The following PDS5A variants were observed in gnomAD, a reference collection of about 807,000 sequenced individuals.
PDS5A encodes the protein PDS5 cohesin associated factor A.
PDS5A carries 42 observed loss-of-function variants against 167.1 expected under a neutral mutation model. The ratio of observed to expected loss-of-function variants is 0.25; its 90% confidence interval spans 0.20 to 0.33. PDS5A has a LOEUF of 0.33. PDS5A is among the 10% of genes least tolerant of loss of function. The pLI is 1.00. For synonymous variants in PDS5A, 553 were observed against 554.6 expected (o/e 1.00, Z 0.04); for missense variants, 1,033 against 1,605.9 (o/e 0.64, Z 6.10).
intron 8 of PDS5A, among the ~76,000 whole-genome samples, chr4:39,915,343 ATTTTTTTTTTTTT>A (rs3070904): frequency 2.3e-5 from 2 of 88,728 alleles, no homozygotes; most frequent in Admixed American, 2.7e-4. Flanking sequence ...AACCGGCCTG[ATTTTTTTTTTTTT>A]TTTTTTTTTT....
intron 23 of PDS5A, among the ~76,000 whole-genome samples, chr4:39,866,231 C>A (rs1382495132): frequency 3.3e-5 from 5 of 152,188 alleles, no homozygotes; most frequent in African/African-American, 9.6e-5. Flanking sequence ...TCTCCTGCCT[C>A]AGCCTCCTGA....
chr4:39,862,249 T>C lies in PDS5A; in HGVS notation c.3056A>G (p.Gln1019Arg). Residue 1019 changes from glutamine to arginine, a missense_variant, in exon 26 of 33, where the codon CAA (glutamine) becomes CGA (arginine). This residue lies in a region of PDS5A where 367 missense variants were observed against 686.7 expected (regional missense o/e 0.53). Transcript: ENST00000303538. Reference protein sequence around the residue: ...LAHDPDFTRSQDVDQLRDIKE... With the variant: ...LAHDPDFTRSRDVDQLRDIKE... ...GATATCACGAAGCTGATCAACATCTTGTGATCTTGTAAAATCTGGATCATG... is the reference window on the plus strand; with the variant it reads ...GATATCACGAAGCTGATCAACATCTCGTGATCTTGTAAAATCTGGATCATG... 6.6e-7 allele frequency: 1 copy of C among 1,521,628 alleles called. No homozygotes were observed. The highest frequency in any genetic ancestry group is 8.9e-7 in the Non-Finnish European group (1 of 1,120,356). The allele number at this position is 1,521,628 out of a possible 1,614,324, so 94.3% of individuals were successfully genotyped here. A position where few individuals can be genotyped will look rare whatever the true frequency, so the allele number is the denominator to read the frequency against.
chr4:39,961,307 TA>T (rs753969763), intron 2 of PDS5A, among the ~76,000 whole-genome samples: 2 of 152,194 alleles, frequency 1.3e-5, no homozygotes, highest in South Asian at 2.1e-4. Flanking sequence ...TTTATTTATT[TA>T]TTTTTTTTGA....
intron 15 of PDS5A, 28 bp downstream of exon 15, chr4:39,898,747 CAT>C (rs1722631517): frequency 2.1e-6 from 3 of 1,402,840 alleles, no homozygotes; most frequent in Non-Finnish European, 3.0e-6. Context: ...ACGTTTACTA[CAT>C]GTTTAGTGAG....
chr4:39,824,503 C>A lies in PDS5A; in HGVS notation c.*982G>T. The A allele has an allele frequency of 6.6e-6, 1 of 152,526 alleles. No homozygotes were observed. Among genetic ancestry groups the A allele is most frequent in the East Asian group, 1.9e-4 (1 of 5,204 alleles). 9.4% of individuals were successfully genotyped at this position (152,526 alleles called of 1,614,324 possible). ...AAGCAAAACACTTATTTCCAAATAGCACAATGCTGAAAATTGATAGCAATC... is the reference window on the plus strand; with the variant it reads ...AAGCAAAACACTTATTTCCAAATAGAACAATGCTGAAAATTGATAGCAATC... On this transcript the variant is annotated 3_prime_UTR_variant, in exon 33 of 33. Coordinates refer to ENST00000303538, the MANE Select transcript of PDS5A (RefSeq NM_001100399.2).
intron 3 of PDS5A, 103 bp downstream of exon 3, chr4:39,927,858 A>C: frequency 2.6e-6 from 2 of 758,640 alleles, no homozygotes; most frequent in Non-Finnish European, 4.2e-6. Flanking sequence ...TGAAGAGACT[A>C]ATATGAAACC....
At chr4:39,973,836 T>C (rs1730804974) in intron 2 of PDS5A, 2 of 1,064,790 alleles carry the variant, frequency 1.9e-6, no homozygotes, top group South Asian at 1.3e-5. Context: ...CTCAGAACCG[T>C]GCTGCAAGAC....
At chr4:39,931,891 CTT>C (rs372230505) in intron 2 of PDS5A, among the ~76,000 whole-genome samples, 38 of 136,010 alleles carry the variant, frequency 2.8e-4, no homozygotes, top group Admixed American at 3.7e-4. Context: ...GGTCAGGTGA[CTT>C]TTTTTTTTTT....
rs1394898273 is a variant in PDS5A, at chr4:39,845,895, AAAG to A, written c.3340-18_3340-16del. 70 of 1,334,836 alleles carry A rather than the reference AAAG, an allele frequency of 5.2e-5. No homozygotes were observed. The highest frequency in any genetic ancestry group is 6.3e-5 in the Non-Finnish European group (65 of 1,026,542). The allele number at this position is 1,334,836 out of a possible 1,614,324, so 82.7% of individuals were successfully genotyped here. ...TTACAGAAGTCCTATTAAAAAAAAA[AAAG>A]AAAAAGAAAAAAGAAACACCAATCA... On this transcript the variant is annotated splice_polypyrimidine_tract_variant and intron_variant, in intron 28 of 32. Coordinates refer to ENST00000303538, the MANE Select transcript of PDS5A (RefSeq NM_001100399.2).
chr4:39,954,627 ACATTGTCAAGACATAAATAAGTACC>A (rs1314967271), intron 2 of PDS5A, among the ~76,000 whole-genome samples: 1 of 149,350 alleles, frequency 6.7e-6, no homozygotes, highest in African/African-American at 2.5e-5. Context: ...AGCCTGAAAT[ACATTGTCAAGACATAAATAAGTACC>A]CATTGTCAAG....
intron 26 of PDS5A, among the ~76,000 whole-genome samples, chr4:39,852,450 T>C (rs770190290): frequency 7.2e-5 from 11 of 152,078 alleles, no homozygotes; most frequent in Non-Finnish European, 1.3e-4. Flanking sequence ...TTCCTCTCCA[T>C]CTCGTATCTT....
rs370071958 is a variant in PDS5A, at chr4:39,959,961, A to G, written c.138+16479T>C. Among the ~76,000 whole-genome samples the G allele has an allele frequency of 4.6e-5, 7 of 152,186 alleles. No homozygotes were observed. In the East Asian group the frequency reaches 9.7e-4, roughly 21 times the overall value. ...ACAAAAATTAGGTGGGCATGGTGGT[A>G]CGTAACCAGCAGTCCCACCAACTTG... On this transcript the variant is annotated intron_variant, in intron 2 of 32. Coordinates refer to ENST00000303538, the MANE Select transcript of PDS5A (RefSeq NM_001100399.2).
chr4:39,944,911 C>G (rs1027657565), intron 2 of PDS5A, among the ~76,000 whole-genome samples: 2 of 151,974 alleles, frequency 1.3e-5, no homozygotes, highest in African/African-American at 2.4e-5. Flanking sequence ...TTCTTTACAG[C>G]TCAAACTGTT....
rs1182217890 is a variant in PDS5A, at chr4:39,976,500, A to G, written c.78T>C (p.Pro26=). The G allele has an allele frequency of 1.9e-6, 3 of 1,613,154 alleles. No homozygotes were observed. Among genetic ancestry groups the G allele is most frequent in the Non-Finnish European group, 2.5e-6 (3 of 1,179,268 alleles). ...VVSADGKIAY[P]PGVKEITDKI... is the part of the protein sequence containing the mutation. ...TGTCGGTGATCTCTTTTACCCCCGG[A>G]GGGTAAGCGATCTTCCCGTCGGCAC... The change falls in exon 2 of 33, where the codon CCT becomes CCC. Residue 26 remains proline (P), a synonymous_variant. Coordinates refer to ENST00000303538, the MANE Select transcript of PDS5A (RefSeq NM_001100399.2).
At chr4:39,954,670 TAAAAAAAAA>T (rs777287409) in intron 2 of PDS5A, among the ~76,000 whole-genome samples, 5 of 48,280 alleles carry the variant, frequency 1.0e-4, no homozygotes, top group Non-Finnish European at 1.6e-4. Flanking sequence ...AAGAGATAAG[TAAAAAAAAA>T]AAAAAAAAAA....
At chr4:39,950,294 G>A (rs1347502483) in intron 2 of PDS5A, among the ~76,000 whole-genome samples, 1 of 151,998 alleles carries the variant, frequency 6.6e-6, no homozygotes, top group Non-Finnish European at 1.5e-5. Flanking sequence ...GGGCACGGTG[G>A]GTCTCACCTA....
intron 2 of PDS5A, among the ~76,000 whole-genome samples, chr4:39,961,324 A>G (rs1162419341): frequency 6.6e-6 from 1 of 151,640 alleles, no homozygotes; most frequent in Non-Finnish European, 1.5e-5. Flanking sequence ...TTTGAGATGG[A>G]GTCTTGCTAT....
At chr4:39,896,375 CTT>C (rs1282912778) in intron 16 of PDS5A, among the ~76,000 whole-genome samples, 1 of 130,494 alleles carries the variant, frequency 7.7e-6, no homozygotes, top group African/African-American at 2.9e-5. Context: ...CTTTTTGACT[CTT>C]TTGTAGTAAC....
chr4:39,903,504 A>C (rs1472600713), intron 12 of PDS5A, among the ~76,000 whole-genome samples: 1 of 152,260 alleles, frequency 6.6e-6, no homozygotes, highest in Non-Finnish European at 1.5e-5. Flanking sequence ...GATCCAATAT[A>C]GAATTATAAG....
Sources: gnomAD v4.1 joint callset for allele counts (sites outside exome capture counted in the v4.1 genomes callset) on GRCh38, gnomAD v4.1.1 for gene constraint, gnomAD v4.1.1 regional missense constraint, MANE v1.5 for transcripts, NCBI Gene and HGNC (gene_info 2026-07-23, HGNC 2026-07-21) for gene names.